The following SUMF1 variants were observed in gnomAD, a reference collection of about 807,000 sequenced individuals.
SUMF1 encodes the protein formylglycine-generating enzyme.
Under a neutral mutation model 47.6 loss-of-function variants are expected in SUMF1, and 48 were observed. The ratio of observed to expected loss-of-function variants is 1.01; its 90% CI spans 0.80 to 1.28. The LOEUF (loss-of-function observed/expected upper bound fraction) is 1.28, where lower values mean the gene tolerates loss of function less well. SUMF1 is among the 50% of genes most tolerant of loss of function. The pLI is 0.00. For synonymous variants in SUMF1, 230 were observed against 192.1 expected, an observed-to-expected ratio of 1.20 and a Z score of -1.63; for missense variants, 571 against 485.4, an observed-to-expected ratio of 1.18 and a Z score of -1.66.
chr3:4,206,925 C>G (rs1695666622), intron 8 of SUMF1, among the ~76,000 whole-genome samples: 1 of 152,052 alleles, frequency 6.6e-6, no homozygotes, highest in Non-Finnish European at 1.5e-5. Flanking sequence ...TATGTTGAAT[C>G]TATAAATCAA....
At chr3:4,235,775 C>T (rs1696393885) in intron 8 of SUMF1, among the ~76,000 whole-genome samples, 1 of 152,016 alleles carries the variant, frequency 6.6e-6, no homozygotes, top group South Asian at 2.1e-4. Context: ...TATGCATAAG[C>T]ATCTAAAATC....
At chr3:4,344,308 G>C (rs1432975295) in intron 8 of SUMF1, among the ~76,000 whole-genome samples, 1 of 152,210 alleles carries the variant, frequency 6.6e-6, no homozygotes. Context: ...CTCGAGGGCA[G>C]AGCTCCCAGA....
chr3:4,325,317 T>C (rs1362255301), intron 8 of SUMF1, among the ~76,000 whole-genome samples: 1 of 151,680 alleles, frequency 6.6e-6, no homozygotes, highest in African/African-American at 2.4e-5. Context: ...CTAGGAAGGC[T>C]CATTTCTAAG....
intron 8 of SUMF1, among the ~76,000 whole-genome samples, chr3:4,323,561 AAAAG>A (rs1186545071): frequency 3.3e-5 from 5 of 152,322 alleles, no homozygotes; most frequent in South Asian, 4.1e-4. Flanking sequence ...TATTATAAGA[AAAAG>A]AAGAAAAGGA....
rs531187917 is a variant in SUMF1, at chr3:4,385,292, C to G, written c.955-8903G>C. Among the ~76,000 whole-genome samples the G allele has an allele frequency of 3.9e-5, 6 of 152,304 alleles. No homozygotes were observed. The South Asian group carries it at 1.2e-3, about 32-fold the overall frequency. ...ATGATCCAGTTTCTCTGTATCCTAGCCAGTCACTACTTTTTAATTTTAGCC... is the reference window on the plus strand; with the variant it reads ...ATGATCCAGTTTCTCTGTATCCTAGGCAGTCACTACTTTTTAATTTTAGCC... On this transcript the variant is annotated intron_variant, in intron 7 of 8. Coordinates refer to ENST00000272902, the MANE Select transcript of SUMF1 (RefSeq NM_182760.4).
At chr3:4,076,485 T>A (rs554296534) in intron 8 of SUMF1, among the ~76,000 whole-genome samples, 7 of 152,092 alleles carry the variant, frequency 4.6e-5, no homozygotes, top group Admixed American at 4.6e-4. Context: ...AAAGCCAAAA[T>A]AGACAAGTTG....
chr3:4,353,291 C>T lies in SUMF1; in HGVS notation c.1014+23039G>A, dbSNP rs373820653. On this transcript the variant is annotated intron_variant and NMD_transcript_variant, in intron 8 of 12. Transcript: ENST00000448413. ...TTTTTGAGACGGAATCTCACTCTGT[C>T]GCCCAGGCTGGAGTACAGTGGCGTG... 2.4e-4 allele frequency among the ~76,000 whole-genome samples: 37 copies of T among 152,280 alleles called. No homozygotes were observed. In the East Asian group the frequency reaches 7.0e-3, roughly 29 times the overall value.
chr3:4,377,354 T>C (rs781746917), intron 7 of SUMF1, among the ~76,000 whole-genome samples: 24 of 151,926 alleles, frequency 1.6e-4, no homozygotes, highest in Non-Finnish European at 2.9e-4. Context: ...AAGACACATA[T>C]ACGTACTATG....
chr3:4,058,742 A>G (rs927411247), intron 9 of SUMF1, among the ~76,000 whole-genome samples: 1 of 152,202 alleles, frequency 6.6e-6, no homozygotes, highest in Non-Finnish European at 1.5e-5. Context: ...TCCTCAAAAG[A>G]CATTCTGGGA....
chr3:4,350,792 T>G (rs997099324), intron 8 of SUMF1, among the ~76,000 whole-genome samples: 1 of 152,068 alleles, frequency 6.6e-6, no homozygotes, highest in Non-Finnish European at 1.5e-5. Context: ...AAGCTAGCAA[T>G]TGGAACAAAC....
At chr3:4,371,511 T>C (rs927225319) in intron 8 of SUMF1, among the ~76,000 whole-genome samples, 2 of 152,204 alleles carry the variant, frequency 1.3e-5, no homozygotes, top group African/African-American at 2.4e-5. Flanking sequence ...GAAATCATTA[T>C]AGAGAATGCC....
At chr3:4,294,200 G>A (rs370300124) in intron 8 of SUMF1, among the ~76,000 whole-genome samples, 18 of 152,052 alleles carry the variant, frequency 1.2e-4, no homozygotes, top group Admixed American at 3.9e-4. Flanking sequence ...GCTATACGTA[G>A]CTATTTAAAT....
intron 8 of SUMF1, among the ~76,000 whole-genome samples, chr3:4,112,348 T>A (rs770625806): frequency 6.6e-6 from 1 of 152,168 alleles, no homozygotes; most frequent in Non-Finnish European, 1.5e-5. Flanking sequence ...AAATCATCTC[T>A]TGTTCATTTA....
intron 8 of SUMF1, chr3:4,229,423 A>G: frequency 3.0e-6 from 1 of 330,108 alleles, no homozygotes; most frequent in Admixed American, 4.2e-5. Context: ...CATTTCTCCT[A>G]AGACTTTCAG....
rs983843713 is a variant in SUMF1, at chr3:4,286,350, G to A, written c.1014+89980C>T. On this transcript the variant is annotated intron_variant and NMD_transcript_variant, in intron 8 of 12. Coordinates refer to the SUMF1 transcript ENST00000448413. ...TCTATAGGAAAACAAAGCAAAAACC[G>A]TATTAACAAAGAAGCAAGGCTGGGA... Among the ~76,000 whole-genome samples, 73 of 151,996 alleles carry A rather than the reference G, an allele frequency of 4.8e-4. 4 individuals are homozygous for A. The highest frequency in any genetic ancestry group is 3.9e-4 in the East Asian group (2 of 5,194).
intron 9 of SUMF1, among the ~76,000 whole-genome samples, chr3:4,060,682 G>A (rs1695263098): frequency 6.6e-6 from 1 of 150,700 alleles, no homozygotes. Context: ...GCCATCAAAT[G>A]AGTTTGCACC....
intron 8 of SUMF1, among the ~76,000 whole-genome samples, chr3:4,326,195 T>C (rs1200007803): frequency 1.3e-5 from 2 of 152,190 alleles, no homozygotes; most frequent in African/African-American, 2.4e-5. Flanking sequence ...GACCAATTTA[T>C]TTGCAAAAAG....
At position 4,183,161 on chromosome 3, in the gene SUMF1, G is replaced by T. The variant is rs76245982; in HGVS notation, c.1015-114416C>A. On this transcript the variant is annotated intron_variant and NMD_transcript_variant, in intron 8 of 12. Transcript: ENST00000448413. ...CTAAGAAAGAGATTAGAAACTAAAA[G>T]CTTGGTGTCAGAGGCAAAGACAGTT... Among the ~76,000 whole-genome samples the T allele has an allele frequency of 5.8e-3, 877 of 152,284 alleles. 12 individuals carry two copies. The highest frequency in any genetic ancestry group is 0.02 in the African/African-American group (821 of 41,564).
At chr3:4,271,506 GATAGATAGATAGATAC>G (rs1272409825) in intron 8 of SUMF1, among the ~76,000 whole-genome samples, 8 of 150,686 alleles carry the variant, frequency 5.3e-5, no homozygotes, top group African/African-American at 1.5e-4. Context: ...TAGATAGATA[GATAGATAGATAGATAC>G]AGAGAGGATC....
Sources: allele counts gnomAD v4.1 joint callset (sites outside exome capture counted in the v4.1 genomes callset), GRCh38; gene constraint gnomAD v4.1.1; transcripts MANE v1.5; gene names NCBI Gene and HGNC (gene_info 2026-07-23, HGNC 2026-07-21).